Variants in EEFSEC observed in about 807,000 individuals in gnomAD.
The protein encoded by EEFSEC is eukaryotic elongation factor, selenocysteine-tRNA specific.
Under a neutral mutation model 42.1 loss-of-function variants are expected in EEFSEC, and 43 were observed. The ratio of observed to expected loss-of-function variants is 1.02; its 90% confidence interval spans 0.80 to 1.32. The LOEUF (loss-of-function observed/expected upper bound fraction) is 1.32. Among genes scored for constraint, EEFSEC ranks in the 40% most tolerant of loss-of-function variants. EEFSEC has a pLI of 0.00. For missense variants in EEFSEC, 745 were observed against 803.6 expected (o/e 0.93, Z 0.88); for synonymous variants, 354 against 339.1 (o/e 1.04, Z -0.48).
intron 4 of EEFSEC, among the ~76,000 whole-genome samples, chr3:128,297,471 A>G (rs1212865569): frequency 6.6e-6 from 1 of 152,200 alleles, no homozygotes; most frequent in Non-Finnish European, 1.5e-5. Context: ...GGAGGAAAGG[A>G]GCTGGTGTGG....
At chr3:128,285,337 G>A (rs1019279671) in intron 4 of EEFSEC, among the ~76,000 whole-genome samples, 1 of 152,172 alleles carries the variant, frequency 6.6e-6, no homozygotes, top group Non-Finnish European at 1.5e-5. Context: ...GCCCAGTGCT[G>A]TCAGAGCCAG....
At chr3:128,327,875 A>G (rs893038799) in intron 4 of EEFSEC, among the ~76,000 whole-genome samples, 1 of 152,172 alleles carries the variant, frequency 6.6e-6, no homozygotes, top group African/African-American at 2.4e-5. Context: ...AGTGAGGCCC[A>G]GTGACCAGAA....
chr3:128,286,321 C>T (rs1576608309), intron 4 of EEFSEC, among the ~76,000 whole-genome samples: 1 of 152,340 alleles, frequency 6.6e-6, no homozygotes, highest in South Asian at 2.1e-4. Flanking sequence ...TCCTTGCACA[C>T]AGAGCTTGAT....
intron 4 of EEFSEC, among the ~76,000 whole-genome samples, chr3:128,275,008 G>GCTGGGCTTAC (rs1445797691): frequency 2.6e-5 from 4 of 152,222 alleles, no homozygotes; most frequent in Admixed American, 2.0e-4. Flanking sequence ...ATGCGGGCTT[G>GCTGGGCTTAC]CTGGGCTTAC....
intron 4 of EEFSEC, among the ~76,000 whole-genome samples, chr3:128,325,409 G>A (rs2067053545): frequency 6.6e-6 from 1 of 152,196 alleles, no homozygotes; most frequent in Non-Finnish European, 1.5e-5. Context: ...GAGGGGCCTT[G>A]GGCAGGCTAC....
At chr3:128,351,822 A>C (rs2067388968) in intron 5 of EEFSEC, among the ~76,000 whole-genome samples, 1 of 152,212 alleles carries the variant, frequency 6.6e-6, no homozygotes, top group Non-Finnish European at 1.5e-5. Context: ...CAGTGACTGA[A>C]GGCTAATAAA....
At chr3:128,295,690 C>A (rs1053698331) in intron 4 of EEFSEC, among the ~76,000 whole-genome samples, 2 of 150,582 alleles carry the variant, frequency 1.3e-5, no homozygotes, top group African/African-American at 2.5e-5. Context: ...TGGTTCCATG[C>A]CTGCTTCCTG....
intron 4 of EEFSEC, among the ~76,000 whole-genome samples, chr3:128,337,427 C>T (rs921551400): frequency 2.0e-5 from 3 of 152,166 alleles, no homozygotes; most frequent in Non-Finnish European, 4.4e-5. Context: ...GCTTGACGTT[C>T]GGCTTGATGG....
intron 4 of EEFSEC, among the ~76,000 whole-genome samples, chr3:128,322,280 T>G (rs1175672775): frequency 3.9e-5 from 6 of 152,272 alleles, no homozygotes; most frequent in Non-Finnish European, 5.9e-5. Context: ...GAAGCCAGCA[T>G]GCCTGCGCCT....
intron 4 of EEFSEC, among the ~76,000 whole-genome samples, chr3:128,318,252 G>A (rs961570645): frequency 2.0e-5 from 3 of 152,256 alleles, no homozygotes; most frequent in South Asian, 2.1e-4. Flanking sequence ...TGCTCGACTA[G>A]TGGCAAGTGC....
intron 4 of EEFSEC, among the ~76,000 whole-genome samples, chr3:128,276,822 T>C (rs2066473325): frequency 6.6e-6 from 1 of 152,124 alleles, no homozygotes; most frequent in African/African-American, 2.4e-5. Context: ...GATATGAATA[T>C]CTTGAGCAAT....
chr3:128,164,633 G>T (rs1332719557), intron 1 of EEFSEC, among the ~76,000 whole-genome samples: 1 of 152,126 alleles, frequency 6.6e-6, no homozygotes, highest in Non-Finnish European at 1.5e-5. Context: ...TGTGAAGGAT[G>T]GTTGAGATAT....
intron 4 of EEFSEC, among the ~76,000 whole-genome samples, chr3:128,331,148 C>A (rs1201712636): frequency 5.1e-5 from 2 of 38,926 alleles, no homozygotes; most frequent in African/African-American, 2.5e-4. Flanking sequence ...CCTCTTCCCC[C>A]CTTCCTCAGT....
intron 1 of EEFSEC, among the ~76,000 whole-genome samples, chr3:128,164,478 C>G (rs1173410172): frequency 6.6e-6 from 1 of 152,158 alleles, no homozygotes; most frequent in Non-Finnish European, 1.5e-5. Context: ...AGGAAACAGC[C>G]TTAGCAGAGT....
At chr3:128,249,200 C>G (rs1240996394) in intron 2 of EEFSEC, among the ~76,000 whole-genome samples, 3 of 151,970 alleles carry the variant, frequency 2.0e-5, no homozygotes, top group Non-Finnish European at 4.4e-5. Context: ...CCTATCAAAA[C>G]CAAAAAAGTG....
intron 1 of EEFSEC, among the ~76,000 whole-genome samples, chr3:128,170,345 C>G (rs568437667): frequency 1.3e-5 from 2 of 152,178 alleles, no homozygotes; most frequent in Non-Finnish European, 2.9e-5. Flanking sequence ...GGTGGATCAC[C>G]TGAAGCAGGA....
At chr3:128,249,960 G>T (rs1306960054) in intron 2 of EEFSEC, among the ~76,000 whole-genome samples, 1 of 152,122 alleles carries the variant, frequency 6.6e-6, no homozygotes, top group Non-Finnish European at 1.5e-5. Context: ...GTATGAAGTG[G>T]TATATCATCA....
intron 1 of EEFSEC, among the ~76,000 whole-genome samples, chr3:128,242,950 CTGTT>C (rs1322680188): frequency 2.4e-4 from 37 of 152,322 alleles, no homozygotes; most frequent in African/African-American, 7.9e-4. Context: ...GGGAAGGACA[CTGTT>C]TGATTCATTC....
intron 5 of EEFSEC, among the ~76,000 whole-genome samples, chr3:128,357,641 C>T (rs1185869050): frequency 6.6e-6 from 1 of 152,120 alleles, no homozygotes; most frequent in Admixed American, 6.5e-5. Flanking sequence ...AGACAAAGGC[C>T]AGGCTCTCGG....
Sources: allele counts gnomAD v4.1 joint callset (sites outside exome capture counted in the v4.1 genomes callset), GRCh38; gene constraint gnomAD v4.1.1; transcripts MANE v1.5; gene names NCBI Gene and HGNC (gene_info 2026-07-23, HGNC 2026-07-21).